Variants in CELF5 observed in about 807,000 individuals in gnomAD.
CELF5 encodes CUG-BP and ETR-3 like factor 5.
Under a neutral mutation model 54.9 loss-of-function variants are expected in CELF5, and 6 were observed. That is an observed-to-expected ratio of 0.11 (90% CI 0.06 to 0.22). The LOEUF is 0.22. Ranked by LOEUF, CELF5 falls within the 10% of genes least tolerant of loss-of-function variation. CELF5 has a pLI of 1.00. For synonymous variants in CELF5, 271 were observed against 290.9 expected (o/e 0.93, Z 0.70); for missense variants, 401 against 678.6 (o/e 0.59, Z 4.54).
chr19:3,246,937 C>G (rs1275477223), intron 1 of CELF5, among the ~76,000 whole-genome samples: 1 of 152,170 alleles, frequency 6.6e-6, no homozygotes, highest in Non-Finnish European at 1.5e-5. Context: ...AAGGGCGGAC[C>G]TATGCTATGA....
chr19:3,250,777 G>A (rs534801278), intron 1 of CELF5, among the ~76,000 whole-genome samples: 5 of 152,254 alleles, frequency 3.3e-5, no homozygotes, highest in African/African-American at 1.2e-4. Context: ...CATTCTCAAG[G>A]TGCATCCATG....
chr19:3,263,587 CAAAT>C (rs1163080764), intron 2 of CELF5, among the ~76,000 whole-genome samples: 1 of 150,338 alleles, frequency 6.7e-6, no homozygotes, highest in African/African-American at 2.5e-5. Flanking sequence ...AACAAACAAA[CAAAT>C]ATTTCTTAAA....
intron 1 of CELF5, among the ~76,000 whole-genome samples, chr19:3,235,852 G>A (rs1481000742): frequency 2.7e-5 from 4 of 149,994 alleles, no homozygotes; most frequent in African/African-American, 9.8e-5. Context: ...ATGAATGGAT[G>A]GATGGATGAA....
At chr19:3,267,402 A>C (rs923531683) in intron 2 of CELF5, among the ~76,000 whole-genome samples, 3 of 152,248 alleles carry the variant, frequency 2.0e-5, no homozygotes, top group Admixed American at 2.0e-4. Context: ...ATCCCAGAAT[A>C]GATCCTGGAA....
chr19:3,296,264 G>A (rs1387656088), intron 12 of CELF5: 1 of 148,862 alleles, frequency 6.7e-6, no homozygotes, highest in Non-Finnish European at 1.5e-5. Context: ...TTGGACATCC[G>A]GCAAGGCCTC....
In CELF5 at chr19:3,281,049, G is replaced by T; in HGVS notation, c.604-150G>T. The T allele has an allele frequency of 1.1e-6, 1 of 903,624 alleles. No individual in the cohort carries two copies. The highest frequency in any genetic ancestry group is 1.7e-6 in the Non-Finnish European group (1 of 586,706). The allele number at this position is 903,624 out of a possible 1,614,324, so 56.0% of individuals were successfully genotyped here. ...CCACGCGGTCCTCGCTGTGGCCCTG[G>T]CTCCTGGGGTGGGGGCCCGTGGACA... On this transcript the variant is annotated intron_variant, in intron 5 of 12. Coordinates refer to ENST00000292672, the MANE Select transcript of CELF5 (RefSeq NM_021938.4). This position sits in a 1 kb window ranked among gnomAD's most constrained non-coding sequence, Gnocchi z 6.5.
intron 1 of CELF5, among the ~76,000 whole-genome samples, chr19:3,231,015 C>T (rs902579184): frequency 1.3e-5 from 2 of 152,172 alleles, no homozygotes; most frequent in African/African-American, 2.4e-5. Flanking sequence ...TAAAAAGAAA[C>T]ATGATTTTGG....
chr19:3,276,040 C>T (rs111230615), intron 4 of CELF5, 56 bp downstream of exon 4: 2 of 37,124 alleles, frequency 5.4e-5, no homozygotes, highest in African/African-American at 7.1e-4. Context: ...GCTCTGGGGG[C>T]GGGGCCTGTG....
At position 3,278,676 on chromosome 19, in the gene CELF5, GGTTTGT is replaced by G. The variant is rs1474044538; in HGVS notation, c.603+569_603+574del. Among the ~76,000 whole-genome samples the G allele has an allele frequency of 8.3e-6, 1 of 120,056 alleles. No individual in the cohort carries two copies. Among genetic ancestry groups the G allele is most frequent in the African/African-American group, 2.7e-5 (1 of 37,186 alleles). The allele number at this position is 120,056 out of a possible 152,430, so 78.8% of individuals were successfully genotyped here. A position where few individuals can be genotyped will look rare whatever the true frequency, so the allele number is the denominator to read the frequency against. On this transcript the variant is annotated intron_variant, in intron 5 of 12. Transcript: ENST00000292672. The surrounding 1 kb of genome is among the most constrained non-coding windows in gnomAD (Gnocchi z 4.5). ...GCATCTGCAGGTGCATTTGTGGGCAGGTTTGTGTGTGTGTGTGTGTGTGTTTGTGTG... is the reference window on the plus strand; with the variant it reads ...GCATCTGCAGGTGCATTTGTGGGCAGGTGTGTGTGTGTGTGTGTTTGTGTG...
At chr19:3,244,980 ATG>A (rs1168976228) in intron 1 of CELF5, among the ~76,000 whole-genome samples, 1 of 92,442 alleles carries the variant, frequency 1.1e-5, no homozygotes, top group African/African-American at 4.4e-5. Context: ...GTGTGTGTGC[ATG>A]TGTGGTGTGT....
At chr19:3,272,344 G>A (rs1007944209) in intron 2 of CELF5, among the ~76,000 whole-genome samples, 18 of 151,836 alleles carry the variant, frequency 1.2e-4, no homozygotes, top group African/African-American at 4.4e-4. Flanking sequence ...ATTCCAGCCT[G>A]GCAACAGAGT....
chr19:3,291,261 G>A (rs763524421), intron 11 of CELF5, among the ~76,000 whole-genome samples: 8 of 151,440 alleles, frequency 5.3e-5, no homozygotes, highest in Non-Finnish European at 1.0e-4. Flanking sequence ...GCAAGACCCT[G>A]TCTCATACAA....
intron 1 of CELF5, among the ~76,000 whole-genome samples, chr19:3,244,822 G>A (rs549301088): frequency 7.4e-5 from 11 of 148,170 alleles, no homozygotes; most frequent in South Asian, 6.5e-4. Flanking sequence ...ATATGTGTGC[G>A]TATGTGGTGT....
In CELF5 at chr19:3,249,627, G is replaced by GTAT. The variant is rs2079620364; in HGVS notation, c.260-1358_260-1357insTAT. On this transcript the variant is annotated intron_variant, in intron 1 of 12. Coordinates refer to ENST00000292672, the MANE Select transcript of CELF5 (RefSeq NM_021938.4). ...TCCCAGCCTCACTCTGGGCCACTCCGGGGCTGGCCCCGCCCCTCACCTCTC... is the reference window on the plus strand; with the variant it reads ...TCCCAGCCTCACTCTGGGCCACTCCGTATGGGCTGGCCCCGCCCCTCACCTCTC... Among the ~76,000 whole-genome samples the GTAT allele has an allele frequency of 2.0e-5, 3 of 151,404 alleles. No individual in the cohort carries two copies. In the East Asian group the frequency reaches 5.9e-4, roughly 30 times the overall value.
intron 1 of CELF5, among the ~76,000 whole-genome samples, chr19:3,230,830 A>G (rs148072043): frequency 2.3e-4 from 35 of 152,300 alleles, no homozygotes; most frequent in African/African-American, 8.2e-4. Context: ...AGAAATACAA[A>G]GAAGCAGATG....
chr19:3,263,757 G>T (rs2079840888), intron 2 of CELF5, among the ~76,000 whole-genome samples: 1 of 151,174 alleles, frequency 6.6e-6, no homozygotes, highest in Admixed American at 6.6e-5. Context: ...ATACAAAAAT[G>T]AGCCGGGCGT....
chr19:3,239,263 C>A (rs899633778), intron 1 of CELF5, among the ~76,000 whole-genome samples: 1 of 151,602 alleles, frequency 6.6e-6, no homozygotes, highest in African/African-American at 2.4e-5. Context: ...CCACACCCAG[C>A]TGTTTGTTTT....
rs371060093 is a variant in CELF5, at chr19:3,224,978, C to G, written c.239C>G (p.Pro80Arg). 1.3e-6 allele frequency: 2 copies of G among 1,597,824 alleles called. No individual in the cohort carries two copies. The highest frequency in any genetic ancestry group is 2.7e-5 in the African/African-American group (2 of 74,150). Residue 80 changes from proline (P) to arginine (R), a missense_variant, in exon 1 of 13, where the codon CCC becomes CGC. Pro to Arg is a moderately radical substitution (Grantham distance 103, BLOSUM62 -2). Transcript: ENST00000292672. ...TACGAGCTCACGGTGCTCAAAGACCCCTACACGGGGATGCACAAAGGTGGG... is the reference window on the plus strand; with the variant it reads ...TACGAGCTCACGGTGCTCAAAGACCGCTACACGGGGATGCACAAAGGTGGG... ...RIYELTVLKD[P>R]YTGMHKGCAF... is the part of the protein sequence containing the mutation.
chr19:3,264,780 G>A (rs539262783), intron 2 of CELF5, among the ~76,000 whole-genome samples: 1 of 150,010 alleles, frequency 6.7e-6, no homozygotes, highest in South Asian at 2.1e-4. Flanking sequence ...GCAGTAGCGT[G>A]ATCTTGGCTC....
Sources: allele counts gnomAD v4.1 joint callset (sites outside exome capture counted in the v4.1 genomes callset), GRCh38; gene constraint gnomAD v4.1.1; non-coding constraint Gnocchi (gnomAD v3.1); transcripts MANE v1.5; gene names NCBI Gene and HGNC (gene_info 2026-07-23, HGNC 2026-07-21).